Variants in PDE4B observed in about 807,000 individuals in gnomAD.
PDE4B encodes 3',5'-cyclic-AMP phosphodiesterase 4B.
Under a neutral mutation model 82.2 loss-of-function variants are expected in PDE4B, and 20 were observed. The observed-to-expected ratio is 0.24, with a 90% CI of 0.17 to 0.35. The LOEUF (loss-of-function observed/expected upper bound fraction) is 0.35, where lower values mean the gene tolerates loss of function less well. Ranked by LOEUF, PDE4B falls within the 10% of genes least tolerant of loss-of-function variation. The pLI is 1.00. For synonymous variants in PDE4B, 320 were observed against 318.9 expected, an observed-to-expected ratio of 1.00 and a Z score of -0.04; for missense variants, 655 against 907.2, an observed-to-expected ratio of 0.72 and a Z score of 3.57.
intron 1 of PDE4B, among the ~76,000 whole-genome samples, chr1:65,911,410 T>C (rs1415187583): frequency 2.6e-5 from 4 of 152,202 alleles, no homozygotes; most frequent in Admixed American, 2.6e-4. Context: ...CTTTAATATT[T>C]TTTATATGCT....
At chr1:66,358,651 G>A (rs1662472174) in intron 9 of PDE4B, among the ~76,000 whole-genome samples, 2 of 147,552 alleles carry the variant, frequency 1.4e-5, no homozygotes, top group East Asian at 2.0e-4. Context: ...TCCAGCCTGG[G>A]CGAGAAGAGC....
intron 1 of PDE4B, among the ~76,000 whole-genome samples, chr1:65,801,137 C>T (rs1228157998): frequency 6.6e-6 from 1 of 152,152 alleles, no homozygotes; most frequent in African/African-American, 2.4e-5. Flanking sequence ...TCTCTTACCC[C>T]TTCTTACTCC....
intron 8 of PDE4B, among the ~76,000 whole-genome samples, chr1:66,347,663 G>A (rs544020797): frequency 2.0e-5 from 3 of 152,244 alleles, no homozygotes; most frequent in African/African-American, 7.2e-5. Context: ...AGGTTTTGAA[G>A]CATTCCATTG....
At chr1:66,075,747 T>G (rs1419429520) in intron 3 of PDE4B, among the ~76,000 whole-genome samples, 3 of 152,014 alleles carry the variant, frequency 2.0e-5, no homozygotes, top group Non-Finnish European at 4.4e-5. Context: ...CCTCTGGGCT[T>G]TGTGAGCTGA....
chr1:66,328,855 G>C (rs1292982478), intron 7 of PDE4B, among the ~76,000 whole-genome samples: 1 of 152,208 alleles, frequency 6.6e-6, no homozygotes, highest in African/African-American at 2.4e-5. Context: ...CATGGCTGTG[G>C]TAGACAGAGG....
At chr1:66,199,405 G>T (rs559859041) in intron 3 of PDE4B, among the ~76,000 whole-genome samples, 51 of 152,094 alleles carry the variant, frequency 3.4e-4, no homozygotes, top group African/African-American at 4.3e-4. Flanking sequence ...TGCATAAATG[G>T]CTTCTTTTGA....
intron 3 of PDE4B, among the ~76,000 whole-genome samples, chr1:66,189,333 G>A (rs1451825125): frequency 6.6e-6 from 1 of 152,078 alleles, no homozygotes; most frequent in Non-Finnish European, 1.5e-5. Flanking sequence ...TTCTCGAGGA[G>A]TATCTTTGTG....
At chr1:66,323,435 T>A (rs1659544856) in intron 7 of PDE4B, among the ~76,000 whole-genome samples, 2 of 152,154 alleles carry the variant, frequency 1.3e-5, no homozygotes, top group South Asian at 2.1e-4. Flanking sequence ...TGTACTAAGT[T>A]TTTGCATAAT....
chr1:66,199,676 A>C (rs981042322), intron 3 of PDE4B, among the ~76,000 whole-genome samples: 7 of 152,266 alleles, frequency 4.6e-5, no homozygotes, highest in African/African-American at 1.7e-4. Context: ...TCTTATTCTA[A>C]ATGAAGAAAT....
intron 3 of PDE4B, among the ~76,000 whole-genome samples, chr1:66,225,301 G>T (rs768175542): frequency 2.6e-5 from 4 of 152,122 alleles, no homozygotes; most frequent in Non-Finnish European, 1.5e-5. Flanking sequence ...GGTCTGCTAC[G>T]CCCAAATGGA....
chr1:65,985,218 T>G (rs1305084304), intron 3 of PDE4B, among the ~76,000 whole-genome samples: 1 of 152,176 alleles, frequency 6.6e-6, no homozygotes, highest in African/African-American at 2.4e-5. Flanking sequence ...TAGGAAAATA[T>G]TGTCTCTGTG....
chr1:66,260,410 G>C (rs750674424), intron 6 of PDE4B, among the ~76,000 whole-genome samples: 1 of 152,164 alleles, frequency 6.6e-6, no homozygotes, highest in Non-Finnish European at 1.5e-5. Flanking sequence ...TTATGGAATA[G>C]ATGAAGGTCA....
At chr1:66,160,104 G>A (rs1334880193) in intron 3 of PDE4B, among the ~76,000 whole-genome samples, 2 of 152,128 alleles carry the variant, frequency 1.3e-5, no homozygotes, top group Admixed American at 1.3e-4. Context: ...TTTACAGTGG[G>A]TGTTAAAAGG....
chr1:66,354,992 T>C (rs1662126847), intron 8 of PDE4B: 2 of 1,149,074 alleles, frequency 1.7e-6, no homozygotes, highest in African/African-American at 3.1e-5. Context: ...ATAATTTGAT[T>C]TGTGTGTTCA....
At chr1:65,798,238 CTTTTTTTTTTTTTT>C (rs781315273) in intron 1 of PDE4B, among the ~76,000 whole-genome samples, 1 of 22,666 alleles carries the variant, frequency 4.4e-5, no homozygotes, top group Non-Finnish European at 6.6e-5. Flanking sequence ...CCAGGCTAGT[CTTTTTTTTTTTTTT>C]TTTTTTTTTT....
intron 1 of PDE4B, among the ~76,000 whole-genome samples, chr1:65,866,871 T>C (rs1222242136): frequency 6.6e-6 from 1 of 152,220 alleles, no homozygotes; most frequent in Non-Finnish European, 1.5e-5. Context: ...CATATTTGAA[T>C]CTTGACTAAA....
chr1:65,800,502 C>T (rs1645682119), intron 1 of PDE4B, among the ~76,000 whole-genome samples: 1 of 152,130 alleles, frequency 6.6e-6, no homozygotes, highest in African/African-American at 2.4e-5. Flanking sequence ...TCCTGAGTTC[C>T]AGTGCTGCTA....
chr1:66,176,020 A>C (rs1646925410), intron 3 of PDE4B, among the ~76,000 whole-genome samples: 1 of 152,242 alleles, frequency 6.6e-6, no homozygotes, highest in South Asian at 2.1e-4. Context: ...GCTATTTAGT[A>C]CTTAGAAGCT....
At chr1:66,049,348 C>T (rs1654892066) in intron 3 of PDE4B, among the ~76,000 whole-genome samples, 1 of 151,956 alleles carries the variant, frequency 6.6e-6, no homozygotes, top group African/African-American at 2.4e-5. Context: ...TTTCCCATGC[C>T]TGGTTGTTGG....
Sources: gnomAD v4.1 joint callset for allele counts (sites outside exome capture counted in the v4.1 genomes callset) on GRCh38, gnomAD v4.1.1 for gene constraint, MANE v1.5 for transcripts, NCBI Gene and HGNC (gene_info 2026-07-23, HGNC 2026-07-21) for gene names.